OPA3: variants seen among roughly 807,000 people sequenced by gnomAD.
The protein encoded by OPA3 is optic atrophy 3 protein.
In OPA3, 6 loss-of-function variants were observed where a neutral mutation model predicts 4.0. That is an observed-to-expected ratio of 1.51 (90% CI 0.83 to 2.99). OPA3 has a LOEUF of 2.99. Ranked by LOEUF, OPA3 falls within the 30% of genes most tolerant of loss-of-function variation. The pLI is 0.00. For synonymous variants in OPA3, 105 were observed against 117.1 expected (o/e 0.90, Z 0.67); for missense variants, 235 against 256.2 (o/e 0.92, Z 0.56).
Position 45,547,051 on chromosome 19 carries a change from G to C in OPA3, c.*6463C>G, listed in dbSNP as rs1006459679. ...TCTGCGCGCAGTGGGGGTTACTGCT[G>C]AGCACTGGGGTCATTTCCTATGGGG... On this transcript the variant is annotated 3_prime_UTR_variant, in exon 2 of 2. Transcript: ENST00000263275. The C allele has an allele frequency of 6.6e-6, 1 of 152,216 alleles. No homozygotes were observed. The highest frequency in any genetic ancestry group is 6.6e-5 in the Admixed American group (1 of 15,254). 9.4% of individuals were successfully genotyped at this position (152,216 alleles called of 1,614,324 possible). A position where few individuals can be genotyped will look rare whatever the true frequency, so the allele number is the denominator to read the frequency against.
Position 45,546,499 on chromosome 19 carries a change from C to CTTTT in OPA3, c.*7011_*7014dup. Reference sequence around the variant, plus strand: ...CACACGATGGATTACATAAACTCTGCTTTTTTTTTTTTTTGAGACAGGGTC... The same window carrying CTTTT: ...CACACGATGGATTACATAAACTCTGCTTTTTTTTTTTTTTTTTTGAGACAGGGTC... On this transcript the variant is annotated 3_prime_UTR_variant, in exon 2 of 2. Coordinates refer to ENST00000263275, the MANE Select transcript of OPA3 (RefSeq NM_025136.4). 1.1e-5 allele frequency: 5 copies of CTTTT among 475,132 alleles called. No homozygotes were observed. Among genetic ancestry groups the CTTTT allele is most frequent in the South Asian group, 9.4e-5 (1 of 10,654 alleles). 29.4% of individuals were successfully genotyped at this position (475,132 alleles called of 1,614,324 possible).
At chr19:45,535,082 C>G (rs367700812) in intron 1 of OPA3, among the ~76,000 whole-genome samples, 1 of 152,142 alleles carries the variant, frequency 6.6e-6, no homozygotes, top group African/African-American at 2.4e-5. Flanking sequence ...AGGTTCCCAA[C>G]AACAGGGATC....
chr19:45,535,040 C>T lies in OPA3; in HGVS notation c.143-5584G>A, dbSNP rs890983149. Among the ~76,000 whole-genome samples, 17 of 152,246 alleles carry T rather than the reference C, an allele frequency of 1.1e-4. No homozygotes were observed. The East Asian group carries it at 1.9e-3, about 17-fold the overall frequency. ...TGTGTAAATAAAGTTTTTCTTTCCA[C>T]GTGTTGATCTGTCTATTGTTAATTA... On this transcript the variant is annotated intron_variant, in intron 1 of 1. Coordinates refer to the OPA3 transcript ENST00000323060.
intron 1 of OPA3, among the ~76,000 whole-genome samples, chr19:45,572,332 TATATATCTCATATATATCGAC>T (rs1969682818): frequency 2.2e-5 from 3 of 137,628 alleles, no homozygotes; most frequent in Non-Finnish European, 4.7e-5. Flanking sequence ...TATATATCGA[TATATATCTCATATATATCGAC>T]ATATATGAGA....
chr19:45,544,850 G>A (rs1969227876), downstream of OPA3, among the ~76,000 whole-genome samples: 1 of 149,752 alleles, frequency 6.7e-6, no homozygotes. Context: ...GGGCATGGTG[G>A]CCCATGCCTG....
chr19:45,553,571 GGCGCGCACCTCTTGCAGCTCTGT>G lies in OPA3; in HGVS notation c.460_482del (p.Thr154ProfsTer35). On this transcript the variant is annotated frameshift_variant, in exon 2 of 2. Coordinates refer to ENST00000263275, the MANE Select transcript of OPA3 (RefSeq NM_025136.4). LOFTEE classifies it low-confidence loss of function (END_TRUNC). The stretch of plus-strand genomic sequence containing the variant: ...CGGACCGGCCGGGATTGCAGAGCTG[GGCGCGCACCTCTTGCAGCTCTGT>G]GCGCAGTTCCTCCAGGGCGCCCTGT... 6.2e-7 allele frequency: 1 copy of G among 1,613,084 alleles called. No individual in the cohort carries two copies. Among genetic ancestry groups the G allele is most frequent in the Non-Finnish European group, 8.5e-7 (1 of 1,179,990 alleles).
rs1468442578 is a variant in OPA3, at chr19:45,573,680, G to A, written c.142+10943C>T. 2.0e-5 allele frequency among the ~76,000 whole-genome samples: 3 copies of A among 152,208 alleles called. No individual in the cohort carries two copies. The East Asian group carries it at 5.8e-4, about 29-fold the overall frequency. Reference sequence around the variant, plus strand: ...CTGGTTCGAGGCCGCGCTGCAAACAGTAAACAGTAAACACTGTTTACTGAA... The same window carrying A: ...CTGGTTCGAGGCCGCGCTGCAAACAATAAACAGTAAACACTGTTTACTGAA... On this transcript the variant is annotated intron_variant, in intron 1 of 1. Transcript: ENST00000263275.
At position 45,548,719 on chromosome 19, in the gene OPA3, C is replaced by T. The variant is rs903552731; in HGVS notation, c.*4795G>A. Reference sequence around the variant, plus strand: ...AGGACACTGGGTCCATGTCCCGGTGCGGGACCACCTCAGTGAGTTTTTTGA... The same window carrying T: ...AGGACACTGGGTCCATGTCCCGGTGTGGGACCACCTCAGTGAGTTTTTTGA... On this transcript the variant is annotated 3_prime_UTR_variant, in exon 2 of 2. Transcript: ENST00000263275. 5 of 982,238 alleles carry T rather than the reference C, an allele frequency of 5.1e-6. No individual in the cohort carries two copies. The highest frequency in any genetic ancestry group is 6.2e-5 in the Admixed American group (1 of 16,160). The allele number at this position is 982,238 out of a possible 1,614,324, so 60.8% of individuals were successfully genotyped here.
intron 1 of OPA3, among the ~76,000 whole-genome samples, chr19:45,580,614 AT>A (rs1357645442): frequency 1.4e-5 from 2 of 147,358 alleles, no homozygotes; most frequent in Non-Finnish European, 3.0e-5. Context: ...TTATTTATTT[AT>A]TTATTTATTT....
At chr19:45,542,558 C>T (rs764083895), downstream of OPA3, among the ~76,000 whole-genome samples, 117 of 151,830 alleles carry the variant, frequency 7.7e-4, no homozygotes, top group Non-Finnish European at 1.1e-3. Context: ...AACATAGAAA[C>T]GGTACAGTAA....
intron 1 of OPA3, 57 bp downstream of exon 1, chr19:45,584,566 C>G (rs1391565774): frequency 6.2e-6 from 10 of 1,613,478 alleles, no homozygotes; most frequent in Non-Finnish European, 7.6e-6. Flanking sequence ...CCTAAGCAAC[C>G]ACCTGACAGG....
Position 45,553,140 on chromosome 19 carries a change from G to A in OPA3, c.*374C>T. On this transcript the variant is annotated 3_prime_UTR_variant, in exon 2 of 2. Transcript: ENST00000263275. The stretch of plus-strand genomic sequence containing the variant: ...TCCAGTGTAACAGATGAGTGTCCCA[G>A]TAAAGGTTAACACTGATCAGGTAAA... 8.3e-7 allele frequency: 1 copy of A among 1,207,418 alleles called. No homozygotes were observed. The highest frequency in any genetic ancestry group is 1.0e-6 in the Non-Finnish European group (1 of 962,202). 74.8% of individuals were successfully genotyped at this position (1,207,418 alleles called of 1,614,324 possible).
chr19:45,543,242 C>T (rs906001908), downstream of OPA3, among the ~76,000 whole-genome samples: 1 of 152,054 alleles, frequency 6.6e-6, no homozygotes, highest in Non-Finnish European at 1.5e-5. Context: ...AACTCCTGGG[C>T]TCACGTGATC....
intron 1 of OPA3, among the ~76,000 whole-genome samples, chr19:45,537,260 C>G (rs893065308): frequency 2.6e-5 from 4 of 151,558 alleles, no homozygotes; most frequent in African/African-American, 9.7e-5. Context: ...GCAACCTCAG[C>G]TCACTGCAAC....
At position 45,548,112 on chromosome 19, in the gene OPA3, T is replaced by C. The variant is rs1405525650; in HGVS notation, c.*5402A>G. The stretch of plus-strand genomic sequence containing the variant: ...GAATGGAGCCTGGTGCAGTTGATCC[T>C]CAGTACACTCAGAGTTGCCATGCTT... On this transcript the variant is annotated 3_prime_UTR_variant, in exon 2 of 2. Transcript: ENST00000263275. The C allele has an allele frequency of 4.1e-6, 4 of 985,364 alleles. No individual in the cohort carries two copies. Among genetic ancestry groups the C allele is most frequent in the African/African-American group, 3.5e-5 (2 of 57,214 alleles). The allele number at this position is 985,364 out of a possible 1,614,324, so 61.0% of individuals were successfully genotyped here.
At chr19:45,542,465 T>C (rs1487482064), downstream of OPA3, among the ~76,000 whole-genome samples, 4 of 152,190 alleles carry the variant, frequency 2.6e-5, no homozygotes, top group Non-Finnish European at 5.9e-5. Flanking sequence ...TCCTAGGCTA[T>C]AAACCTAAAC....
chr19:45,558,062 G>A (rs550413193), intron 1 of OPA3, among the ~76,000 whole-genome samples: 10 of 152,312 alleles, frequency 6.6e-5, no homozygotes, highest in African/African-American at 1.9e-4. Flanking sequence ...GGCTGGGCGC[G>A]GTAGCTCAGG....
rs1428251071 is a variant in OPA3, at chr19:45,550,496, C to T, written c.*3018G>A. On this transcript the variant is annotated 3_prime_UTR_variant, in exon 2 of 2. Transcript: ENST00000263275. Reference sequence around the variant, plus strand: ...GAGATCGTCACCCTCCCAGCCTCTGCTCAGCCATCGCCTCTCCCTCCTCAC... The same window carrying T: ...GAGATCGTCACCCTCCCAGCCTCTGTTCAGCCATCGCCTCTCCCTCCTCAC... 1 of 984,636 alleles carries T rather than the reference C, an allele frequency of 1.0e-6. No individual in the cohort carries two copies. The highest frequency in any genetic ancestry group is 1.2e-6 in the Non-Finnish European group (1 of 830,116). 61.0% of individuals were successfully genotyped at this position (984,636 alleles called of 1,614,324 possible).
chr19:45,533,841 C>A (rs767176048), intron 1 of OPA3, among the ~76,000 whole-genome samples: 1 of 152,198 alleles, frequency 6.6e-6, no homozygotes, highest in East Asian at 1.9e-4. Flanking sequence ...TGCTTCTCCC[C>A]GAAAGAAGGC....
Sources: allele counts gnomAD v4.1 joint callset (sites outside exome capture counted in the v4.1 genomes callset), GRCh38; gene constraint gnomAD v4.1.1; transcripts MANE v1.5; gene names NCBI Gene and HGNC (gene_info 2026-07-23, HGNC 2026-07-21).